ERC1: variants seen among roughly 807,000 people sequenced by gnomAD.
ERC1 encodes ELKS/RAB6-interacting/CAST family member 1.
Under a neutral mutation model 132.0 loss-of-function variants are expected in ERC1, and 56 were observed. The ratio of observed to expected loss-of-function variants is 0.42; its 90% CI spans 0.34 to 0.53. The LOEUF (loss-of-function observed/expected upper bound fraction) is 0.53, where lower values mean the gene tolerates loss of function less well. Among genes scored for constraint, ERC1 ranks in the 20% least tolerant of loss-of-function variants. The pLI, the probability that ERC1 is intolerant of heterozygous loss-of-function variation, is 0.03. For missense variants in ERC1, 1,202 were observed against 1,349.9 expected, an observed-to-expected ratio of 0.89 and a Z score of 1.72; for synonymous variants, 478 against 476.1, an observed-to-expected ratio of 1.00 and a Z score of -0.05.
At chr12:1,120,162 A>G (rs187700036) in intron 7 of ERC1, among the ~76,000 whole-genome samples, 44 of 151,614 alleles carry the variant, frequency 2.9e-4, no homozygotes, top group African/African-American at 9.7e-4. Context: ...TGATTTTTTA[A>G]TTTGTATTTT....
chr12:1,283,168 G>T (rs1490309704), intron 14 of ERC1, among the ~76,000 whole-genome samples: 1 of 152,074 alleles, frequency 6.6e-6, no homozygotes, highest in African/African-American at 2.4e-5. Flanking sequence ...CAAACCATCT[G>T]GTCCTGCTGG....
At chr12:1,270,449 C>G (rs1032994547) in intron 14 of ERC1, among the ~76,000 whole-genome samples, 1 of 152,096 alleles carries the variant, frequency 6.6e-6, no homozygotes. Context: ...CTCAGGTGAC[C>G]CACCCGCCTC....
At chr12:1,150,522 CATG>C (rs1457511213) in intron 8 of ERC1, among the ~76,000 whole-genome samples, 4 of 152,080 alleles carry the variant, frequency 2.6e-5, no homozygotes, top group Non-Finnish European at 5.9e-5. Flanking sequence ...ATTTTTGAAT[CATG>C]ATATTTCAGG....
At chr12:1,422,278 T>C (rs1224184962) in intron 17 of ERC1, among the ~76,000 whole-genome samples, 9 of 152,234 alleles carry the variant, frequency 5.9e-5, no homozygotes, top group Admixed American at 5.9e-4. Context: ...GGAGTCAGGT[T>C]AGATTTTTCT....
At chr12:1,039,337 C>CAAAAAAAAAAAAAAAA (rs573363202) in intron 2 of ERC1, among the ~76,000 whole-genome samples, 1 of 113,108 alleles carries the variant, frequency 8.8e-6, no homozygotes, top group Non-Finnish European at 1.9e-5. Flanking sequence ...GACGTTGTCT[C>CAAAAAAAAAAAAAAAA]AAAAAAAAAA....
chr12:1,013,670 A>G (rs1431545956), intron 1 of ERC1, among the ~76,000 whole-genome samples: 2 of 152,270 alleles, frequency 1.3e-5, no homozygotes, highest in South Asian at 4.1e-4. Context: ...TTACATGCTG[A>G]GTGTAGAGGC....
At chr12:1,041,108 A>T (rs1295454233) in intron 2 of ERC1, among the ~76,000 whole-genome samples, 1 of 152,158 alleles carries the variant, frequency 6.6e-6, no homozygotes, top group Non-Finnish European at 1.5e-5. Flanking sequence ...ATACTAAAAT[A>T]AAAAAATAAT....
intron 15 of ERC1, among the ~76,000 whole-genome samples, chr12:1,348,373 A>G (rs991085946): frequency 6.6e-6 from 1 of 152,200 alleles, no homozygotes; most frequent in African/African-American, 2.4e-5. Flanking sequence ...ATGATGAAGA[A>G]TCAGCTTAAG....
intron 14 of ERC1, among the ~76,000 whole-genome samples, chr12:1,274,344 A>G (rs1213443550): frequency 6.6e-6 from 1 of 152,238 alleles, no homozygotes; most frequent in East Asian, 1.9e-4. Flanking sequence ...GAGATTGATC[A>G]CAGAAATAAA....
chr12:1,225,046 A>C (rs573067725), intron 12 of ERC1, among the ~76,000 whole-genome samples: 18 of 152,292 alleles, frequency 1.2e-4, no homozygotes, highest in Non-Finnish European at 2.5e-4. Context: ...AAACATGCTT[A>C]ATTTGTCCAT....
intron 14 of ERC1, among the ~76,000 whole-genome samples, chr12:1,265,165 G>A (rs962038465): frequency 6.6e-6 from 1 of 152,118 alleles, no homozygotes; most frequent in Admixed American, 6.5e-5. Flanking sequence ...GTCACCCAAG[G>A]GTGGAGAGTA....
chr12:1,432,837 A>C (rs933571004), intron 17 of ERC1, among the ~76,000 whole-genome samples: 2 of 152,238 alleles, frequency 1.3e-5, no homozygotes, highest in Admixed American at 6.5e-5. Context: ...ATGTCATAGC[A>C]CATAAGTGAT....
At chr12:1,009,830 A>C (rs770183249) in intron 1 of ERC1, among the ~76,000 whole-genome samples, 1 of 152,210 alleles carries the variant, frequency 6.6e-6, no homozygotes, top group South Asian at 2.1e-4. Context: ...TAAATGCTTT[A>C]TATGGTGATG....
chr12:1,485,373 T>C (rs2094195604), intron 18 of ERC1, among the ~76,000 whole-genome samples: 1 of 151,688 alleles, frequency 6.6e-6, no homozygotes, highest in African/African-American at 2.4e-5. Context: ...CCTGGCTAGT[T>C]TTTGTATTTT....
rs566793657 is a variant in ERC1, at chr12:1,316,890, C to T, written c.2780+26878C>T. Among the ~76,000 whole-genome samples the T allele has an allele frequency of 9.9e-5, 15 of 152,240 alleles. No homozygotes were observed. The South Asian group carries it at 3.1e-3, about 32-fold the overall frequency. Reference sequence around the variant, plus strand: ...AAATGTGGCACGTGGCCAGGCATGGCGGCTCATGCCTGTAATCCCAGCACT... The same window carrying T: ...AAATGTGGCACGTGGCCAGGCATGGTGGCTCATGCCTGTAATCCCAGCACT... On this transcript the variant is annotated intron_variant, in intron 15 of 18. Transcript: ENST00000360905.
chr12:1,383,369 C>A (rs927139900), intron 16 of ERC1, among the ~76,000 whole-genome samples: 2 of 152,078 alleles, frequency 1.3e-5, no homozygotes, highest in Non-Finnish European at 2.9e-5. Flanking sequence ...TTCCCTCCTC[C>A]GTTAAACTTC....
chr12:1,000,774 TTAAG>T (rs1254749817), intron 1 of ERC1, among the ~76,000 whole-genome samples: 1 of 152,014 alleles, frequency 6.6e-6, no homozygotes, highest in Non-Finnish European at 1.5e-5. Flanking sequence ...ACAAAAAAAA[TTAAG>T]TGTCTGAAAT....
chr12:1,369,057 GT>G (rs887761282), intron 15 of ERC1, among the ~76,000 whole-genome samples: 38 of 152,036 alleles, frequency 2.5e-4, no homozygotes, highest in Middle Eastern at 3.4e-3. Context: ...TCATTGCTTA[GT>G]AAAAAAAATA....
intron 1 of ERC1, among the ~76,000 whole-genome samples, chr12:1,007,609 G>A (rs1488921029): frequency 6.6e-6 from 1 of 151,044 alleles, no homozygotes; most frequent in East Asian, 1.9e-4. Flanking sequence ...TGATGGGGAG[G>A]AAGAAGACTA....
Sources: gnomAD v4.1 joint callset for allele counts (sites outside exome capture counted in the v4.1 genomes callset) on GRCh38, gnomAD v4.1.1 for gene constraint, MANE v1.5 for transcripts, NCBI Gene and HGNC (gene_info 2026-07-23, HGNC 2026-07-21) for gene names.